FBLN1: variants seen among roughly 807,000 people sequenced by gnomAD.
FBLN1 encodes fibulin 1, also known as fibulin-1.
FBLN1 carries 34 observed loss-of-function variants against 89.7 expected under a neutral mutation model. The observed-to-expected ratio is 0.38, with a 90% CI of 0.29 to 0.50. The LOEUF is 0.50. Among genes scored for constraint, FBLN1 ranks in the 20% least tolerant of loss-of-function variants. The probability of loss-of-function intolerance (pLI) is 0.92; values close to 1 mark genes in which losing one functional copy is unlikely to be tolerated. For synonymous variants in FBLN1, 393 were observed against 391.3 expected, an observed-to-expected ratio of 1.00 and a Z score of -0.05; for missense variants, 777 against 988.1, an observed-to-expected ratio of 0.79 and a Z score of 2.86.
intron 16 of FBLN1, among the ~76,000 whole-genome samples, chr22:45,587,750 C>T (rs1298788621): frequency 6.6e-6 from 1 of 152,216 alleles, no homozygotes; most frequent in Non-Finnish European, 1.5e-5. Flanking sequence ...TATTCCATGG[C>T]CTCTCTCCTC....
intron 16 of FBLN1, among the ~76,000 whole-genome samples, chr22:45,586,379 G>A (rs1170841707): frequency 1.3e-5 from 2 of 152,236 alleles, no homozygotes; most frequent in African/African-American, 4.8e-5. Flanking sequence ...TGAACCCCCA[G>A]GGGTCGGCTA....
chr22:45,593,700 C>T (rs1021022041), intron 16 of FBLN1, among the ~76,000 whole-genome samples: 1 of 152,224 alleles, frequency 6.6e-6, no homozygotes, highest in African/African-American at 2.4e-5. Context: ...AAACTGCTCT[C>T]ACCCGGAGCC....
At chr22:45,554,176 C>T (rs1602204301) in intron 14 of FBLN1, among the ~76,000 whole-genome samples, 1 of 152,220 alleles carries the variant, frequency 6.6e-6, no homozygotes, top group African/African-American at 2.4e-5. Flanking sequence ...GTGGAGGGAG[C>T]GAGTGGAAGG....
In FBLN1 at chr22:45,577,739, G is replaced by T. The variant is rs1157564270; in HGVS notation, c.1972+631G>T. Reference sequence around the variant, plus strand: ...TTGGGGAGCGTGAAGGGAGGCTGGGGCATGAGGGGACTGTGGAAGTCCTGT... The same window carrying T: ...TTGGGGAGCGTGAAGGGAGGCTGGGTCATGAGGGGACTGTGGAAGTCCTGT... On this transcript the variant is annotated intron_variant, in intron 16 of 16. Transcript: ENST00000327858. This position sits in a 1 kb window ranked among gnomAD's most constrained non-coding sequence, Gnocchi z 6.6. Among the ~76,000 whole-genome samples the T allele has an allele frequency of 1.3e-5, 2 of 152,210 alleles. No individual in the cohort carries two copies. The highest frequency in any genetic ancestry group is 4.8e-5 in the African/African-American group (2 of 41,442).
In FBLN1 at chr22:45,547,227, A is replaced by C. The variant is rs189561938; in HGVS notation, c.1441+23A>C. 1,873 of 1,612,538 alleles carry C rather than the reference A, an allele frequency of 1.2e-3. 29 individuals are homozygous for C. In the Admixed American group the frequency reaches 0.03, roughly 26 times the overall value. Reference sequence around the variant, plus strand: ...AAGGTGCGGACGCCCCTGCCTGCTGAGGGGGAAAGCACCCCCTGGTCTTGC... The same window carrying C: ...AAGGTGCGGACGCCCCTGCCTGCTGCGGGGGAAAGCACCCCCTGGTCTTGC... On this transcript the variant is annotated intron_variant, in intron 12 of 16. Coordinates refer to ENST00000327858, the MANE Select transcript of FBLN1 (RefSeq NM_006486.3).
chr22:45,542,619 G>A, intron 10 of FBLN1, among the ~76,000 whole-genome samples: 1 of 152,234 alleles, frequency 6.6e-6, no homozygotes, highest in East Asian at 1.9e-4. Flanking sequence ...CCGCTGAGCT[G>A]TAGATCCCCA....
In FBLN1 at chr22:45,535,240, C is replaced by T. The variant is rs770350150; in HGVS notation, c.825C>T (p.Pro275=). The change falls in exon 8 of 17, where the codon CCC becomes CCT. Residue 275 remains proline (P), a synonymous_variant. Transcript: ENST00000327858. ...AGAGTGGTATTCATAACTGCCTCCC[C>T]GATTTTATCTGTCAGAATACTCTGG... ...ECESGIHNCL[P]DFICQNTLGS... The T allele has an allele frequency of 6.2e-6, 10 of 1,614,114 alleles. No individual in the cohort carries two copies. Among genetic ancestry groups the T allele is most frequent in the Non-Finnish European group, 7.6e-6 (9 of 1,180,008 alleles).
intron 14 of FBLN1, among the ~76,000 whole-genome samples, chr22:45,569,353 A>G (rs933878618): frequency 6.6e-6 from 1 of 152,180 alleles, no homozygotes; most frequent in African/African-American, 2.4e-5. Flanking sequence ...ATAAGAAGGG[A>G]TTAGGGACCA....
At chr22:45,582,486 A>G (rs1170960439) in intron 16 of FBLN1, among the ~76,000 whole-genome samples, 13 of 151,998 alleles carry the variant, frequency 8.6e-5, no homozygotes, top group Non-Finnish European at 1.5e-5. Flanking sequence ...CCGAGGGCCC[A>G]CTCATCCTTG....
chr22:45,520,166 GC>G (rs2088230317), intron 2 of FBLN1, among the ~76,000 whole-genome samples: 1 of 151,980 alleles, frequency 6.6e-6, no homozygotes, highest in South Asian at 2.1e-4. Context: ...GAGACTCCGT[GC>G]CCCCACCATC....
Position 45,563,155 on chromosome 22 carries a change from T to C in FBLN1, c.1698-11356T>C. ...GTGGGGTGGTGGCCCTCACCAAGCC[T>C]GTCCCCGAGCCCAGGGACTTGCTCC... On this transcript the variant is annotated intron_variant, in intron 14 of 16. Coordinates refer to ENST00000327858, the MANE Select transcript of FBLN1 (RefSeq NM_006486.3). The surrounding 1 kb of genome is among the most constrained non-coding windows in gnomAD (Gnocchi z 5.7). The C allele has an allele frequency of 6.2e-7, 1 of 1,613,616 alleles. No individual in the cohort carries two copies.
intron 6 of FBLN1, 104 bp downstream of exon 6, chr22:45,533,268 A>T (rs1319439599): frequency 1.9e-6 from 2 of 1,078,346 alleles, no homozygotes; most frequent in Non-Finnish European, 2.8e-6. Flanking sequence ...CCCAGACCCC[A>T]TTCAGGGGTG....
chr22:45,592,807 C>T (rs919414908), intron 16 of FBLN1, among the ~76,000 whole-genome samples: 6 of 152,108 alleles, frequency 3.9e-5, no homozygotes, highest in Non-Finnish European at 7.4e-5. Context: ...CTCCTGGCCT[C>T]TCTGTTTCAG....
intron 1 of FBLN1, among the ~76,000 whole-genome samples, chr22:45,518,057 G>A (rs1281663015): frequency 6.6e-6 from 1 of 151,648 alleles, no homozygotes; most frequent in African/African-American, 2.4e-5. Flanking sequence ...ACTCGAACCT[G>A]GGAGGTGGAG....
At chr22:45,543,809 C>A (rs2146984076) in intron 11 of FBLN1, among the ~76,000 whole-genome samples, 1 of 152,322 alleles carries the variant, frequency 6.6e-6, no homozygotes, top group Middle Eastern at 3.4e-3. Context: ...GAGCATGACA[C>A]CCACGAGTCA....
chr22:45,595,525 T>G (rs9626399), intron 16 of FBLN1, among the ~76,000 whole-genome samples: 48,320 of 152,036 alleles, frequency 0.32, 11,408 homozygotes, highest in African/African-American at 0.67. Flanking sequence ...CCTTCCTTTC[T>G]AGTTGCTCGT....
Position 45,577,923 on chromosome 22 carries a change from CA to C in FBLN1, c.1972+816del, listed in dbSNP as rs2089011636. On this transcript the variant is annotated intron_variant, in intron 16 of 16. Coordinates refer to ENST00000327858, the MANE Select transcript of FBLN1 (RefSeq NM_006486.3). This position sits in a 1 kb window ranked among gnomAD's most constrained non-coding sequence, Gnocchi z 6.6. ...ATTCACAGCCCCTCTCCTGAACTGT[CA>C]CATTTTAAAAGATTTACAGTCATGG... 6.5e-6 allele frequency: 1 copy of C among 152,864 alleles called. No individual in the cohort carries two copies. The highest frequency in any genetic ancestry group is 2.4e-5 in the African/African-American group (1 of 41,456). The allele number at this position is 152,864 out of a possible 1,614,324, so 9.5% of individuals were successfully genotyped here. A position where few individuals can be genotyped will look rare whatever the true frequency, so the allele number is the denominator to read the frequency against.
intron 13 of FBLN1, 27 bp downstream of exon 13, chr22:45,548,771 C>T: frequency 6.2e-7 from 1 of 1,611,180 alleles, no homozygotes. Context: ...CCCTGGGGTC[C>T]CTCACGCTCT....
intron 1 of FBLN1, among the ~76,000 whole-genome samples, chr22:45,517,183 G>A (rs2088181088): frequency 6.6e-6 from 1 of 152,232 alleles, no homozygotes; most frequent in Non-Finnish European, 1.5e-5. Context: ...GTGCGGAAAC[G>A]CTGCCAAGCC....
Sources: gnomAD v4.1 joint callset for allele counts (sites outside exome capture counted in the v4.1 genomes callset) on GRCh38, gnomAD v4.1.1 for gene constraint, Gnocchi (gnomAD v3.1) non-coding constraint, MANE v1.5 for transcripts, NCBI Gene and HGNC (gene_info 2026-07-23, HGNC 2026-07-21) for gene names.